Variants in CACNA1A observed in about 807,000 individuals in gnomAD.
CACNA1A encodes calcium voltage-gated channel subunit alpha1 A.
CACNA1A carries 57 observed loss-of-function variants against 262.4 expected under a neutral mutation model. The ratio of observed to expected loss-of-function variants is 0.22; its 90% CI spans 0.18 to 0.27. The LOEUF (loss-of-function observed/expected upper bound fraction) is 0.27. Ranked by LOEUF, CACNA1A falls within the 10% of genes least tolerant of loss-of-function variation. CACNA1A has a pLI of 1.00. For missense variants in CACNA1A, 2,526 were observed against 3,562.8 expected (o/e 0.71, Z 7.41); for synonymous variants, 1,431 against 1,419.3 (o/e 1.01, Z -0.18).
intron 38 of CACNA1A, among the ~76,000 whole-genome samples, chr19:13,222,047 C>T (rs2055252227): frequency 6.6e-6 from 1 of 152,038 alleles, no homozygotes; most frequent in Non-Finnish European, 1.5e-5. Flanking sequence ...ACTGGGATTA[C>T]AGGTACCCGC....
Position 13,298,837 on chromosome 19 carries a change from G to C in CACNA1A, c.2796C>G (p.His932Gln). Reference protein sequence around the residue: ...RGKAGDPHRRHVHRQGGSRES... With the variant: ...RGKAGDPHRRQVHRQGGSRES... ...CCCTGCTGCCCCCCTGCCGGTGCAC[G>C]TGCCTCCGGTGGGGGTCCCCGGCCT... Residue 932 changes from histidine to glutamine, a missense_variant, in exon 19 of 47, where the codon CAC becomes CAG. Around this residue, in one of 17 missense-constraint regions of CACNA1A, gnomAD observed 765 missense variants for 748.6 expected, o/e 1.02. Transcript: ENST00000360228. The C allele has an allele frequency of 1.3e-6, 2 of 1,581,158 alleles. No homozygotes were observed. The highest frequency in any genetic ancestry group is 1.7e-6 in the Non-Finnish European group (2 of 1,173,048).
rs751726770 is a variant in CACNA1A at position 13,298,941 on chromosome 19, C to T, written c.2692G>A (p.Gly898Ser). 175 of 1,592,736 alleles carry T rather than the reference C, an allele frequency of 1.1e-4. No individual in the cohort carries two copies. The highest frequency in any genetic ancestry group is 1.4e-4 in the Non-Finnish European group (160 of 1,177,042). ...CGGGCGTGGTGGTCCGACTCGCGGC[C>T]GTAGGGTCCCTCCCGGCTCAGCTCG... The part of the protein sequence containing the change: ...EAELSREGPY[G>S]RESDHHAREG... The change falls in exon 19 of 47, where the codon GGC becomes AGC. Residue 898 changes from glycine (G) to serine (S), a missense_variant. By Grantham distance (56) the Gly-to-Ser change is moderately conservative. Transcript: ENST00000360228.
At chr19:13,462,426 A>AT (rs1568669527) in intron 1 of CACNA1A, among the ~76,000 whole-genome samples, 1 of 152,188 alleles carries the variant, frequency 6.6e-6, no homozygotes, top group Non-Finnish European at 1.5e-5. Context: ...AACCCTAGAT[A>AT]TATGGGTTTA....
chr19:13,382,559 G>A (rs2059542153), intron 3 of CACNA1A, among the ~76,000 whole-genome samples: 1 of 152,220 alleles, frequency 6.6e-6, no homozygotes, highest in Non-Finnish European at 1.5e-5. Context: ...CTGGACAGTG[G>A]AGGCTGTCAA....
At chr19:13,335,371 C>A (rs1198314551) in intron 7 of CACNA1A, among the ~76,000 whole-genome samples, 1 of 152,142 alleles carries the variant, frequency 6.6e-6, no homozygotes, top group Non-Finnish European at 1.5e-5. Flanking sequence ...CTGGAAGAAT[C>A]TGGGGTTGCT....
chr19:13,235,550 C>T, intron 32 of CACNA1A, 64 bp downstream of exon 32: 1 of 1,126,154 alleles, frequency 8.9e-7, no homozygotes, highest in Non-Finnish European at 1.4e-6. Context: ...CTTCTACATT[C>T]AGCCAGAGCA....
chr19:13,332,755 C>T (rs1276639666), intron 9 of CACNA1A, 114 bp downstream of exon 9: 7 of 619,026 alleles, frequency 1.1e-5, no homozygotes, highest in East Asian at 2.8e-5. Flanking sequence ...CCAAGAGGAA[C>T]GTCTACCCTC....
intron 3 of CACNA1A, among the ~76,000 whole-genome samples, chr19:13,388,627 G>A (rs1451768485): frequency 6.6e-6 from 1 of 152,026 alleles, no homozygotes; most frequent in Non-Finnish European, 1.5e-5. Context: ...CTCAGGTTAC[G>A]GGATATCTTT....
At chr19:13,250,369 T>G (rs987910549) in intron 30 of CACNA1A, among the ~76,000 whole-genome samples, 8 of 150,890 alleles carry the variant, frequency 5.3e-5, no homozygotes, top group Admixed American at 2.7e-4. Context: ...CCCCAATTTT[T>G]TAAAAAATAA....
Position 13,335,403 on chromosome 19 carries a change from T to C in CACNA1A, c.1082+403A>G, listed in dbSNP as rs75734527. 3.3e-4 allele frequency among the ~76,000 whole-genome samples: 50 copies of C among 152,312 alleles called. No homozygotes were observed. In the East Asian group the frequency reaches 9.5e-3, roughly 29 times the overall value. On this transcript the variant is annotated intron_variant, in intron 7 of 46. Transcript: ENST00000360228. The stretch of plus-strand genomic sequence containing the variant: ...TGCTGATGGTGCCATAGAGCCACCA[T>C]ACAAGTGCCCAGACTTCTTATGGTA...
intron 7 of CACNA1A, among the ~76,000 whole-genome samples, 170 bp from the exon 8 acceptor site, chr19:13,334,663 G>A (rs2058531584): frequency 6.6e-6 from 1 of 151,320 alleles, no homozygotes. Context: ...GAGGAGTCAG[G>A]ACTTCTGGGA....
chr19:13,222,488 C>T (rs1207927509), intron 38 of CACNA1A, among the ~76,000 whole-genome samples: 2 of 150,184 alleles, frequency 1.3e-5, no homozygotes, highest in South Asian at 2.1e-4. Flanking sequence ...CTCTGCCTCT[C>T]GGGTTCAAGC....
At chr19:13,476,167 C>T (rs1213034445) in intron 1 of CACNA1A, among the ~76,000 whole-genome samples, 1 of 152,200 alleles carries the variant, frequency 6.6e-6, no homozygotes, top group Non-Finnish European at 1.5e-5. Flanking sequence ...GGACATTTTC[C>T]TGCTCAGTTC....
chr19:13,304,699 ACT>A (rs981172241), intron 15 of CACNA1A, among the ~76,000 whole-genome samples: 46 of 147,296 alleles, frequency 3.1e-4, no homozygotes, highest in Middle Eastern at 3.5e-3. Context: ...AAACATCACA[ACT>A]CTCTCTCTCT....
intron 43 of CACNA1A, chr19:13,211,817 C>T: frequency 5.1e-6 from 2 of 391,918 alleles, no homozygotes; most frequent in African/African-American, 2.0e-5. Context: ...CCCCTGTCTG[C>T]AGCCTCCAAC....
chr19:13,287,562 C>A (rs747234061), intron 19 of CACNA1A, among the ~76,000 whole-genome samples: 1 of 151,934 alleles, frequency 6.6e-6, no homozygotes, highest in Non-Finnish European at 1.5e-5. Flanking sequence ...CGTACAGTGG[C>A]GTGATCTCGG....
chr19:13,501,683 A>G (rs561849509), intron 1 of CACNA1A, among the ~76,000 whole-genome samples: 1 of 152,314 alleles, frequency 6.6e-6, no homozygotes, highest in Admixed American at 6.5e-5. Context: ...AAAGTTTGAC[A>G]GGACTACAAT....
intron 2 of CACNA1A, among the ~76,000 whole-genome samples, chr19:13,454,464 G>C (rs1164152557): frequency 6.6e-6 from 1 of 151,708 alleles, no homozygotes; most frequent in Non-Finnish European, 1.5e-5. Flanking sequence ...TCTGCCTCCC[G>C]GGTTCAAGCG....
chr19:13,498,120 A>G (rs1981908484), intron 1 of CACNA1A, among the ~76,000 whole-genome samples: 1 of 151,964 alleles, frequency 6.6e-6, no homozygotes, highest in South Asian at 2.1e-4. Context: ...CACACACACC[A>G]TGCCCATCAT....
Sources: gnomAD v4.1 joint callset for allele counts (sites outside exome capture counted in the v4.1 genomes callset) on GRCh38, gnomAD v4.1.1 for gene constraint, gnomAD v4.1.1 regional missense constraint, MANE v1.5 for transcripts, NCBI Gene and HGNC (gene_info 2026-07-23, HGNC 2026-07-21) for gene names.